The following CDKAL1 variants were observed in gnomAD, a reference collection of about 807,000 sequenced individuals.
CDKAL1 encodes threonylcarbamoyladenosine tRNA methylthiotransferase.
CDKAL1 carries 32 observed loss-of-function variants against 68.2 expected under a neutral mutation model. That is an observed-to-expected ratio of 0.47 (90% CI 0.35 to 0.63). The LOEUF is 0.63. Ranked by LOEUF, CDKAL1 falls within the 30% of genes least tolerant of loss-of-function variation. CDKAL1 has a pLI of 0.00. For synonymous variants in CDKAL1, 234 were observed against 244.3 expected (o/e 0.96, Z 0.39); for missense variants, 606 against 696.7 (o/e 0.87, Z 1.47).
At chr6:20,886,422 C>T (rs926226278) in intron 9 of CDKAL1, among the ~76,000 whole-genome samples, 14 of 152,132 alleles carry the variant, frequency 9.2e-5, no homozygotes, top group African/African-American at 3.1e-4. Flanking sequence ...AGGGACTCAA[C>T]CTGATACACA....
At chr6:21,154,085 C>T (rs1776536286) in intron 13 of CDKAL1, among the ~76,000 whole-genome samples, 1 of 152,134 alleles carries the variant, frequency 6.6e-6, no homozygotes, top group African/African-American at 2.4e-5. Flanking sequence ...GTTTCCTCAT[C>T]CATAACATGG....
intron 9 of CDKAL1, among the ~76,000 whole-genome samples, chr6:20,894,034 T>C (rs1295445563): frequency 6.6e-6 from 1 of 152,196 alleles, no homozygotes; most frequent in Non-Finnish European, 1.5e-5. Context: ...TTTCATATTT[T>C]TGACATGTAA....
chr6:20,610,316 A>G (rs1488097422), intron 4 of CDKAL1, among the ~76,000 whole-genome samples: 4 of 152,156 alleles, frequency 2.6e-5, no homozygotes, highest in African/African-American at 9.7e-5. Context: ...TGCTGGGTTG[A>G]ATGGTATTTC....
At chr6:20,713,739 A>G (rs1430917729) in intron 5 of CDKAL1, among the ~76,000 whole-genome samples, 1 of 152,146 alleles carries the variant, frequency 6.6e-6, no homozygotes, top group African/African-American at 2.4e-5. Context: ...CTCAAGAAAT[A>G]TAATACTTAA....
In CDKAL1 at chr6:20,639,976, T is replaced by G. The variant is rs561689229; in HGVS notation, c.287-9317T>G. ...GAGCCACCGCGCCGACCATTTTCAT[T>G]GGTTTTAAGAAGTTATTTTTCAAGT... On this transcript the variant is annotated intron_variant, in intron 4 of 15. Coordinates refer to ENST00000274695, the MANE Select transcript of CDKAL1 (RefSeq NM_017774.3). 7.2e-4 allele frequency among the ~76,000 whole-genome samples: 110 copies of G among 152,346 alleles called. 2 individuals are homozygous for G. Among genetic ancestry groups the G allele is most frequent in the Admixed American group, 5.8e-3 (89 of 15,304 alleles).
At chr6:20,781,744 C>G (rs569794150) in intron 8 of CDKAL1, among the ~76,000 whole-genome samples, 2 of 152,276 alleles carry the variant, frequency 1.3e-5, no homozygotes, top group East Asian at 3.9e-4. Context: ...ATTAAGTACT[C>G]TTTTAATTTC....
chr6:20,604,610 G>A (rs1040667924), intron 4 of CDKAL1, among the ~76,000 whole-genome samples: 2 of 152,168 alleles, frequency 1.3e-5, no homozygotes, highest in African/African-American at 2.4e-5. Context: ...AAGAAGGTGC[G>A]GCTATGGGCT....
intron 12 of CDKAL1, among the ~76,000 whole-genome samples, chr6:21,066,012 A>T (rs1771419087): frequency 6.6e-6 from 1 of 151,798 alleles, no homozygotes; most frequent in Non-Finnish European, 1.5e-5. Flanking sequence ...CTTTTGCACT[A>T]ACCTAAATTT....
intron 8 of CDKAL1, among the ~76,000 whole-genome samples, chr6:20,784,106 G>A (rs1261680238): frequency 1.3e-5 from 2 of 151,642 alleles, no homozygotes; most frequent in East Asian, 2.0e-4. Flanking sequence ...CTAGCTACTC[G>A]GGAAGCTGAG....
In CDKAL1 at chr6:20,812,870, A is replaced by G. The variant is rs527681163; in HGVS notation, c.638+31605A>G. On this transcript the variant is annotated intron_variant, in intron 8 of 15. Coordinates refer to ENST00000274695, the MANE Select transcript of CDKAL1 (RefSeq NM_017774.3). ...CATTTATTTGTGAATCTTTCTGTGG[A>G]CATATGCTCCCATTTTTCTAGGGTG... 9.2e-5 allele frequency among the ~76,000 whole-genome samples: 14 copies of G among 152,276 alleles called. 1 individual carries two copies. In the South Asian group the frequency reaches 1.5e-3, roughly 16 times the overall value.
chr6:21,069,883 G>T (rs980264792), intron 12 of CDKAL1, among the ~76,000 whole-genome samples: 1 of 140,098 alleles, frequency 7.1e-6, no homozygotes, highest in Non-Finnish European at 1.5e-5. Flanking sequence ...TCCGCCTCCC[G>T]GGTTCACGCC....
intron 9 of CDKAL1, among the ~76,000 whole-genome samples, chr6:20,903,414 A>G (rs563386469): frequency 9.2e-5 from 14 of 152,232 alleles, no homozygotes; most frequent in Non-Finnish European, 1.8e-4. Flanking sequence ...TTATAATTGA[A>G]TATTAGTAAT....
chr6:20,789,374 T>C (rs1015541376), intron 8 of CDKAL1, among the ~76,000 whole-genome samples: 2 of 152,226 alleles, frequency 1.3e-5, no homozygotes, highest in Non-Finnish European at 2.9e-5. Flanking sequence ...ACCTGCGAAG[T>C]AATTATCCTT....
Position 21,201,163 on chromosome 6 carries a change from C to T in CDKAL1, c.1437C>T (p.Ile479=), listed in dbSNP as rs759148490. ...TGGGGAAGATGGTTGAAGTGGACAT[C>T]TATGAATCAGGCAAACATTTTATGA... is the stretch of plus-strand genomic sequence containing the variant. ...AFMGKMVEVD[I]YESGKHFMKG... Residue 479 remains isoleucine, a synonymous_variant, in exon 15 of 16, where the codon ATC becomes ATT. Coordinates refer to ENST00000274695, the MANE Select transcript of CDKAL1 (RefSeq NM_017774.3). The T allele has an allele frequency of 3.7e-6, 6 of 1,613,960 alleles. No homozygotes were observed. Among genetic ancestry groups the T allele is most frequent in the Non-Finnish European group, 5.1e-6 (6 of 1,179,836 alleles).
intron 12 of CDKAL1, among the ~76,000 whole-genome samples, chr6:21,095,539 A>T (rs1401080028): frequency 1.3e-5 from 2 of 151,950 alleles, no homozygotes; most frequent in East Asian, 3.9e-4. Flanking sequence ...CTCTTCTGTA[A>T]TTTCCTAGCC....
At chr6:21,043,713 T>C (rs1770064700) in intron 11 of CDKAL1, among the ~76,000 whole-genome samples, 1 of 152,264 alleles carries the variant, frequency 6.6e-6, no homozygotes, top group Non-Finnish European at 1.5e-5. Context: ...GGTTTATTTA[T>C]GTTAACATCT....
chr6:20,954,052 GA>G (rs1293998543), intron 9 of CDKAL1, among the ~76,000 whole-genome samples: 3 of 152,154 alleles, frequency 2.0e-5, no homozygotes, highest in Non-Finnish European at 4.4e-5. Context: ...GGGTGTGGGT[GA>G]GGATGTGTAT....
At chr6:20,802,993 A>T (rs532828579) in intron 8 of CDKAL1, among the ~76,000 whole-genome samples, 6 of 152,332 alleles carry the variant, frequency 3.9e-5, no homozygotes, top group African/African-American at 1.4e-4. Context: ...TGGGGACAGT[A>T]ATGGGCTTGA....
intron 4 of CDKAL1, among the ~76,000 whole-genome samples, chr6:20,552,038 A>G (rs762164851): frequency 1.4e-4 from 20 of 138,228 alleles, no homozygotes; most frequent in Non-Finnish European, 2.5e-4. Flanking sequence ...TACCCTAAGG[A>G]AAAAAAAAAA....
Sources: gnomAD v4.1 joint callset for allele counts (sites outside exome capture counted in the v4.1 genomes callset) on GRCh38, gnomAD v4.1.1 for gene constraint, MANE v1.5 for transcripts, NCBI Gene and HGNC (gene_info 2026-07-23, HGNC 2026-07-21) for gene names.